The following WDFY2 variants were observed in gnomAD, a reference collection of about 807,000 sequenced individuals.
WDFY2 encodes WD repeat and FYVE domain-containing protein 2.
WDFY2 carries 36 observed loss-of-function variants against 56.4 expected under a neutral mutation model. The ratio of observed to expected loss-of-function variants is 0.64; its 90% CI spans 0.49 to 0.84. The LOEUF (loss-of-function observed/expected upper bound fraction) is 0.84, where lower values mean the gene tolerates loss of function less well. Ranked by LOEUF, WDFY2 falls within the 40% of genes least tolerant of loss-of-function variation. The pLI is 0.00. For synonymous variants in WDFY2, 176 were observed against 183.7 expected (o/e 0.96, Z 0.34); for missense variants, 444 against 512.2 (o/e 0.87, Z 1.29).
chr13:51,674,588 C>T (rs886469045), intron 2 of WDFY2, among the ~76,000 whole-genome samples: 5 of 152,062 alleles, frequency 3.3e-5, no homozygotes, highest in African/African-American at 1.2e-4. Flanking sequence ...TAGATTGAGA[C>T]AAATCCTCCT....
intron 1 of WDFY2, chr13:51,599,144 T>A (rs1954217206): frequency 6.6e-6 from 1 of 152,320 alleles, no homozygotes; most frequent in Admixed American, 6.5e-5. Context: ...CTTGACCTCA[T>A]GATCTGCCCA....
rs564550260 is a variant in WDFY2, at chr13:51,585,045, A to C, written c.137+221A>C. The stretch of plus-strand genomic sequence containing the variant: ...GGACGGCGGCGAGCGCTCCGGCTTC[A>C]CCCCGGGCTGGGTAGTGCCTGCGGG... On this transcript the variant is annotated intron_variant, in intron 1 of 11. Coordinates refer to ENST00000298125, the MANE Select transcript of WDFY2 (RefSeq NM_052950.4). Among the ~76,000 whole-genome samples the C allele has an allele frequency of 3.2e-4, 48 of 152,278 alleles. No homozygotes were observed. The South Asian group carries it at 8.9e-3, about 28-fold the overall frequency.
At chr13:51,666,953 T>C (rs1423742251) in intron 2 of WDFY2, among the ~76,000 whole-genome samples, 1 of 152,250 alleles carries the variant, frequency 6.6e-6, no homozygotes, top group Non-Finnish European at 1.5e-5. Flanking sequence ...GAATGGCTTG[T>C]AGGTTAGACC....
chr13:51,592,242 A>G (rs1262390833), intron 1 of WDFY2: 5 of 152,218 alleles, frequency 3.3e-5, no homozygotes, highest in African/African-American at 1.2e-4. Flanking sequence ...ATGTTAATTT[A>G]TTACTGAGTT....
At chr13:51,659,036 C>G (rs994142263) in intron 1 of WDFY2, among the ~76,000 whole-genome samples, 8 of 152,138 alleles carry the variant, frequency 5.3e-5, no homozygotes, top group African/African-American at 1.4e-4. Flanking sequence ...AAGTGATTCT[C>G]CTGCCTTAAC....
chr13:51,667,087 C>T (rs1477938358), intron 2 of WDFY2, among the ~76,000 whole-genome samples: 1 of 152,096 alleles, frequency 6.6e-6, no homozygotes, highest in Non-Finnish European at 1.5e-5. Flanking sequence ...TATCTTTGTT[C>T]TCAAATTTGC....
intron 1 of WDFY2, among the ~76,000 whole-genome samples, chr13:51,593,539 C>T (rs1954090611): frequency 6.6e-6 from 1 of 152,092 alleles, no homozygotes; most frequent in Non-Finnish European, 1.5e-5. Flanking sequence ...GTTAGTTTTG[C>T]CATACCTGAC....
chr13:51,674,148 G>A (rs906731527), intron 2 of WDFY2, among the ~76,000 whole-genome samples: 7 of 152,032 alleles, frequency 4.6e-5, no homozygotes, highest in Admixed American at 6.5e-5. Flanking sequence ...GTGACCTTGG[G>A]TAAAACATCT....
At chr13:51,649,438 T>A (rs941913030) in intron 1 of WDFY2, among the ~76,000 whole-genome samples, 39 of 151,908 alleles carry the variant, frequency 2.6e-4, no homozygotes, top group Middle Eastern at 3.4e-3. Context: ...TTTTTTTTTT[T>A]AAATACTTTA....
chr13:51,663,883 T>C (rs1955657098), intron 2 of WDFY2, among the ~76,000 whole-genome samples: 1 of 152,198 alleles, frequency 6.6e-6, no homozygotes, highest in African/African-American at 2.4e-5. Context: ...ACATAATAAG[T>C]AGCATTCCAA....
intron 7 of WDFY2, among the ~76,000 whole-genome samples, chr13:51,740,346 C>T (rs547282362): frequency 1.1e-4 from 17 of 152,286 alleles, no homozygotes; most frequent in African/African-American, 4.1e-4. Context: ...CATTCCCTTA[C>T]GTTTATCTTT....
At chr13:51,618,823 T>TAAA (rs1483195608) in intron 1 of WDFY2, among the ~76,000 whole-genome samples, 1 of 152,204 alleles carries the variant, frequency 6.6e-6, no homozygotes, top group Non-Finnish European at 1.5e-5. Flanking sequence ...TGCAAAACAA[T>TAAA]AAAGGCTTAG....
At chr13:51,680,699 A>G (rs1210244125) in intron 3 of WDFY2, among the ~76,000 whole-genome samples, 4 of 152,220 alleles carry the variant, frequency 2.6e-5, no homozygotes, top group African/African-American at 9.6e-5. Context: ...AGATGATTCA[A>G]AATCCTCTTG....
chr13:51,661,084 T>A (rs954735524), intron 2 of WDFY2, among the ~76,000 whole-genome samples: 2 of 152,228 alleles, frequency 1.3e-5, no homozygotes, highest in African/African-American at 4.8e-5. Flanking sequence ...GAGCATTCAG[T>A]TCTCAGAAGG....
intron 3 of WDFY2, among the ~76,000 whole-genome samples, chr13:51,690,869 C>T (rs1956141060): frequency 6.6e-6 from 1 of 152,168 alleles, no homozygotes; most frequent in South Asian, 2.1e-4. Flanking sequence ...TGTTTCCTGA[C>T]TTTTTAATGA....
chr13:51,730,017 A>G (rs530283727), intron 6 of WDFY2, among the ~76,000 whole-genome samples: 3 of 151,886 alleles, frequency 2.0e-5, no homozygotes, highest in African/African-American at 7.2e-5. Flanking sequence ...GGAAACTGTT[A>G]CTCTGCTTTC....
At position 51,703,494 on chromosome 13, in the gene WDFY2, G is replaced by A. The variant is rs531103375; in HGVS notation, c.280-102G>A. ...GATGGGCAAAATACTAATGTTGGAT[G>A]TAATCGTCATGACAATTCGCTTTAT... On this transcript the variant is annotated intron_variant, in intron 3 of 11. Coordinates refer to ENST00000298125, the MANE Select transcript of WDFY2 (RefSeq NM_052950.4). The A allele has an allele frequency of 6.0e-6, 5 of 829,192 alleles. No individual in the cohort carries two copies. In the East Asian group the frequency reaches 9.1e-5, roughly 15 times the overall value. 51.4% of individuals were successfully genotyped at this position (829,192 alleles called of 1,614,324 possible). A position where few individuals can be genotyped will look rare whatever the true frequency, so the allele number is the denominator to read the frequency against.
At position 51,764,377 on chromosome 13, in the gene WDFY2, C is replaced by T. The variant is rs1179377061; in HGVS notation, c.*4608C>T. On this transcript the variant is annotated 3_prime_UTR_variant, in exon 12 of 12. Transcript: ENST00000298125. Reference sequence around the variant, plus strand: ...TCACAGAGGAAAGGGACTTTGAGCTCAGTGTTAAAGGATGAGGAGTGAGTC... The same window carrying T: ...TCACAGAGGAAAGGGACTTTGAGCTTAGTGTTAAAGGATGAGGAGTGAGTC... 6.6e-6 allele frequency: 1 copy of T among 152,254 alleles called. No homozygotes were observed. Among genetic ancestry groups the T allele is most frequent in the Non-Finnish European group, 1.5e-5 (1 of 68,118 alleles). The allele number at this position is 152,254 out of a possible 1,614,324, so 9.4% of individuals were successfully genotyped here. A position where few individuals can be genotyped will look rare whatever the true frequency, so the allele number is the denominator to read the frequency against.
chr13:51,705,462 C>G (rs1234617811), intron 4 of WDFY2, among the ~76,000 whole-genome samples: 8 of 152,172 alleles, frequency 5.3e-5, no homozygotes, highest in Non-Finnish European at 7.4e-5. Context: ...TTTCCCTTCT[C>G]TCTTTTCCTG....
Sources: allele counts gnomAD v4.1 joint callset (sites outside exome capture counted in the v4.1 genomes callset), GRCh38; gene constraint gnomAD v4.1.1; transcripts MANE v1.5; gene names NCBI Gene and HGNC (gene_info 2026-07-23, HGNC 2026-07-21).